Variants in LEMD1 observed in about 807,000 individuals in gnomAD.
The protein encoded by LEMD1 is LEM domain containing 1.
A neutral mutation model predicts 17.4 loss-of-function variants in LEMD1; 18 were observed. The observed-to-expected ratio is 1.04, with a 90% confidence interval of 0.72 to 1.54. The LOEUF (loss-of-function observed/expected upper bound fraction) is 1.54, where lower values mean the gene tolerates loss of function less well. Among genes scored for constraint, LEMD1 ranks in the 40% most tolerant of loss-of-function variants. The pLI is 0.00. For synonymous variants in LEMD1, 88 were observed against 77.8 expected (o/e 1.13, Z -0.69); for missense variants, 195 against 210.4 (o/e 0.93, Z 0.45).
chr1:205,442,025 C>A (rs540719142), intron 1 of LEMD1, among the ~76,000 whole-genome samples: 3 of 152,206 alleles, frequency 2.0e-5, no homozygotes, highest in South Asian at 2.1e-4. Flanking sequence ...CCTTAACCAC[C>A]TGCAGATTTT....
At chr1:205,436,884 A>G (rs1408162959) in intron 1 of LEMD1, 1 of 152,308 alleles carries the variant, frequency 6.6e-6, no homozygotes, top group African/African-American at 2.4e-5. Context: ...ACATCTGGGC[A>G]CATCTGATAA....
intron 4 of LEMD1, among the ~76,000 whole-genome samples, chr1:205,403,279 C>G (rs958452013): frequency 1.1e-4 from 17 of 151,904 alleles, no homozygotes; most frequent in Non-Finnish European, 1.5e-5. Flanking sequence ...AGGAATGGTA[C>G]CAGTTCCTCC....
rs1271855718 is a variant in LEMD1, at chr1:205,441,762, G to A, written c.-39+8106C>T. Among the ~76,000 whole-genome samples, 1 of 152,192 alleles carries A rather than the reference G, an allele frequency of 6.6e-6. No individual in the cohort carries two copies. The highest frequency in any genetic ancestry group is 1.5e-5 in the Non-Finnish European group (1 of 68,032). On this transcript the variant is annotated intron_variant, in intron 1 of 3. Coordinates refer to the LEMD1 transcript ENST00000367154. The surrounding 1 kb of genome is among the most constrained non-coding windows in gnomAD (Gnocchi z 4.3). ...ATTTAGCACCTATGCTGGGCAAAGG[G>A]TTGAGAGGTAGATACAAAAGGGTAA...
intron 1 of LEMD1, among the ~76,000 whole-genome samples, chr1:205,430,305 G>T (rs1666108211): frequency 6.6e-6 from 1 of 152,210 alleles, no homozygotes; most frequent in South Asian, 2.1e-4. Flanking sequence ...GGGCTGTGTT[G>T]AAGACGGCTG....
chr1:205,416,437 C>T (rs191638966), intron 3 of LEMD1, 141 bp from the exon 4 acceptor site: 105 of 627,002 alleles, frequency 1.7e-4, no homozygotes, highest in African/African-American at 1.5e-3. Context: ...GCTCTTCTGA[C>T]GGAAGAGAAC....
intron 4 of LEMD1, among the ~76,000 whole-genome samples, chr1:205,414,402 G>A (rs532631214): frequency 4.7e-5 from 7 of 149,140 alleles, no homozygotes; most frequent in South Asian, 2.2e-4. Context: ...GGGCGACAGC[G>A]TGAGACCCCT....
intron 4 of LEMD1, among the ~76,000 whole-genome samples, chr1:205,412,502 G>A (rs1182908061): frequency 6.6e-6 from 1 of 152,152 alleles, no homozygotes; most frequent in Non-Finnish European, 1.5e-5. Flanking sequence ...AAAATGAGAG[G>A]AAAATGTGGT....
intron 1 of LEMD1, among the ~76,000 whole-genome samples, chr1:205,449,469 C>T (rs1666457489): frequency 6.6e-6 from 1 of 152,064 alleles, no homozygotes; most frequent in South Asian, 2.1e-4. Context: ...CTCTCCCACC[C>T]CAACTGTACC....
exon 1 of LEMD1, chr1:205,449,920 C>G (rs918901971): frequency 3.3e-5 from 5 of 152,712 alleles, no homozygotes; most frequent in Non-Finnish European, 7.3e-5. Flanking sequence ...CACAATTCCC[C>G]GCAGAGCCAC....
At position 205,381,502 on chromosome 1, in the gene LEMD1, G is replaced by A. The variant is rs1663690333; in HGVS notation, c.*156C>T. 2.8e-6 allele frequency: 2 copies of A among 706,194 alleles called. No individual in the cohort carries two copies. Among genetic ancestry groups the A allele is most frequent in the African/African-American group, 3.5e-5 (2 of 56,516 alleles). The allele number at this position is 706,194 out of a possible 1,614,324, so 43.7% of individuals were successfully genotyped here. ...TGGTTAGGCAGGTTCCTTCCACCTG[G>A]CTGAGCCCAGACACCGATCTGTGAG... is the stretch of plus-strand genomic sequence containing the variant. On this transcript the variant is annotated 3_prime_UTR_variant, in exon 6 of 6. Transcript: ENST00000367153.
chr1:205,443,899 C>CTG (rs1666338795), intron 1 of LEMD1, among the ~76,000 whole-genome samples: 1 of 152,162 alleles, frequency 6.6e-6, no homozygotes, highest in Non-Finnish European at 1.5e-5. Flanking sequence ...CCTGGGGAGT[C>CTG]CCTCTGCCAG....
chr1:205,431,314 A>G (rs562744250), intron 1 of LEMD1, among the ~76,000 whole-genome samples: 2 of 152,232 alleles, frequency 1.3e-5, no homozygotes, highest in Non-Finnish European at 2.9e-5. Flanking sequence ...GACACGTGCA[A>G]CATGCACACT....
At chr1:205,415,782 C>A (rs911748713) in intron 4 of LEMD1, among the ~76,000 whole-genome samples, 1 of 152,142 alleles carries the variant, frequency 6.6e-6, no homozygotes, top group Non-Finnish European at 1.5e-5. Context: ...AGGCCTCACC[C>A]CAAAACCTGT....
intron 4 of LEMD1, among the ~76,000 whole-genome samples, chr1:205,411,507 G>A (rs1665429740): frequency 6.9e-6 from 1 of 145,826 alleles, no homozygotes; most frequent in African/African-American, 2.5e-5. Flanking sequence ...AGTGAGCCAA[G>A]ATTGTGCCAC....
At chr1:205,449,265 A>C (rs1188269243) in intron 1 of LEMD1, among the ~76,000 whole-genome samples, 6 of 152,194 alleles carry the variant, frequency 3.9e-5, no homozygotes, top group Admixed American at 2.6e-4. Context: ...TCTAATCACA[A>C]GTGCTATTTC....
chr1:205,391,450 C>A (rs974035523), intron 4 of LEMD1, among the ~76,000 whole-genome samples: 1 of 151,904 alleles, frequency 6.6e-6, no homozygotes, highest in Non-Finnish European at 1.5e-5. Flanking sequence ...AAAAAAAGCT[C>A]CCGGAAAAGC....
Position 205,394,409 on chromosome 1 carries a change from A to C in LEMD1, c.271-10045T>G, listed in dbSNP as rs1664490954. Among the ~76,000 whole-genome samples the C allele has an allele frequency of 3.3e-5, 5 of 151,560 alleles. No individual in the cohort carries two copies. The South Asian group carries it at 1.0e-3, about 32-fold the overall frequency. On this transcript the variant is annotated intron_variant, in intron 4 of 5. Coordinates refer to ENST00000367153, the MANE Select transcript of LEMD1 (RefSeq NM_001199050.2). ...TTAATTAATTAATTTTTTGAGATGGAGTTTCCCTCTTGTTGCCCAGGCTGG... is the reference window on the plus strand; with the variant it reads ...TTAATTAATTAATTTTTTGAGATGGCGTTTCCCTCTTGTTGCCCAGGCTGG...
intron 1 of LEMD1, among the ~76,000 whole-genome samples, chr1:205,434,340 TAA>T (rs35753110): frequency 1.5e-5 from 2 of 131,874 alleles, no homozygotes; most frequent in African/African-American, 5.4e-5. Context: ...CCTGGCTAAG[TAA>T]AAAAAAATAT....
intron 4 of LEMD1, among the ~76,000 whole-genome samples, chr1:205,394,133 C>A (rs951140593): frequency 8.5e-6 from 1 of 118,302 alleles, no homozygotes; most frequent in African/African-American, 3.2e-5. Context: ...TGAATGATTC[C>A]ATTTATGTGA....
Sources: gnomAD v4.1 joint callset for allele counts (sites outside exome capture counted in the v4.1 genomes callset) on GRCh38, gnomAD v4.1.1 for gene constraint, Gnocchi (gnomAD v3.1) non-coding constraint, MANE v1.5 for transcripts, NCBI Gene and HGNC (gene_info 2026-07-23, HGNC 2026-07-21) for gene names.